CNOT4: variants seen among roughly 807,000 people sequenced by gnomAD.
The protein encoded by CNOT4 is CCR4-NOT transcription complex subunit 4.
A neutral mutation model predicts 73.8 loss-of-function variants in CNOT4; 8 were observed. The observed-to-expected ratio is 0.11, with a 90% confidence interval of 0.06 to 0.20. The LOEUF is 0.20. Ranked by LOEUF, CNOT4 falls within the 10% of genes least tolerant of loss-of-function variation. CNOT4 has a pLI of 1.00. For missense variants in CNOT4, 564 were observed against 883.4 expected (o/e 0.64, Z 4.58); for synonymous variants, 293 against 321.1 (o/e 0.91, Z 0.94).
chr7:135,488,878 T>A (rs1481944308), intron 1 of CNOT4, among the ~76,000 whole-genome samples: 1 of 152,120 alleles, frequency 6.6e-6, no homozygotes, highest in African/African-American at 2.4e-5. Context: ...AAGAATAAGT[T>A]ATGCTTGTGT....
intron 1 of CNOT4, among the ~76,000 whole-genome samples, chr7:135,507,271 C>T (rs549730329): frequency 2.0e-5 from 3 of 152,148 alleles, no homozygotes; most frequent in Admixed American, 6.5e-5. Context: ...TGTTCAAAAC[C>T]TTCTTACAGA....
At chr7:135,463,342 A>T (rs1232500151) in intron 1 of CNOT4, among the ~76,000 whole-genome samples, 3 of 152,200 alleles carry the variant, frequency 2.0e-5, no homozygotes, top group Non-Finnish European at 4.4e-5. Context: ...GTTCGAGACC[A>T]GTCTGGCCAA....
chr7:135,462,123 A>G lies in CNOT4; in HGVS notation c.-92-23700T>C, dbSNP rs186645717. 1.2e-4 allele frequency among the ~76,000 whole-genome samples: 19 copies of G among 152,280 alleles called. No individual in the cohort carries two copies. In the East Asian group the frequency reaches 3.1e-3, roughly 25 times the overall value. On this transcript the variant is annotated intron_variant, in intron 1 of 11. Transcript: ENST00000541284. ...ACAGAAGGAAAAAAGGTGAAAAAAA[A>G]GGAAAATTTTTAAAAGAGAAAACAA...
chr7:135,467,371 G>A (rs1290455675), intron 1 of CNOT4, among the ~76,000 whole-genome samples: 3 of 151,992 alleles, frequency 2.0e-5, no homozygotes, highest in Non-Finnish European at 4.4e-5. Context: ...CCCCACCATC[G>A]CTGTGAGTCA....
intron 10 of CNOT4, among the ~76,000 whole-genome samples, chr7:135,380,210 G>A (rs538734795): frequency 6.6e-5 from 10 of 152,022 alleles, no homozygotes; most frequent in Non-Finnish European, 1.2e-4. Flanking sequence ...AAGATGAATC[G>A]GAGATCACAT....
chr7:135,431,625 C>A (rs983488034), intron 2 of CNOT4, among the ~76,000 whole-genome samples: 1 of 151,940 alleles, frequency 6.6e-6, no homozygotes, highest in Non-Finnish European at 1.5e-5. Flanking sequence ...CGCCTGTAGT[C>A]CCAGCTACTC....
intron 1 of CNOT4, among the ~76,000 whole-genome samples, chr7:135,497,365 C>G (rs758477502): frequency 6.6e-6 from 1 of 151,962 alleles, no homozygotes; most frequent in African/African-American, 2.4e-5. Context: ...GCCAAGATTG[C>G]GCCACTGCAC....
Position 135,422,248 on chromosome 7 carries a change from A to C in CNOT4, c.280T>G (p.Ser94Ala), listed in dbSNP as rs1252972858. The C allele has an allele frequency of 1.2e-6, 2 of 1,603,594 alleles. No homozygotes were observed. The highest frequency in any genetic ancestry group is 2.2e-5 in the South Asian group (2 of 90,896). ...CTAGCCAAATGTTTGCGATTTTCTG[A>C]TATTTTCTGTTTTCTCTCATTTTGT... ...QKQNERKQKI[S>A]ENRKHLASVR... The change falls in exon 3 of 12, where the codon TCA (serine) becomes GCA (alanine). Residue 94 changes from serine (S) to alanine (A), a missense_variant. Physicochemically the swap from Ser to Ala is moderately conservative, Grantham distance 99. Around this residue, in one of 10 missense-constraint regions of CNOT4, gnomAD observed 76 missense variants for 208.7 expected, o/e 0.36. Transcript: ENST00000541284.
rs747402254 is a variant in CNOT4 at position 135,464,024 on chromosome 7, C to CAAAAAAAAAA, written c.-92-25611_-92-25602dup. Among the ~76,000 whole-genome samples, 46 of 109,584 alleles carry CAAAAAAAAAA rather than the reference C, an allele frequency of 4.2e-4. 3 individuals are homozygous for CAAAAAAAAAA. The highest frequency in any genetic ancestry group is 7.3e-4 in the African/African-American group (21 of 28,726). 71.9% of individuals were successfully genotyped at this position (109,584 alleles called of 152,430 possible). A position where few individuals can be genotyped will look rare whatever the true frequency, so the allele number is the denominator to read the frequency against. On this transcript the variant is annotated intron_variant, in intron 1 of 11. Coordinates refer to ENST00000541284, the MANE Select transcript of CNOT4 (RefSeq NM_001190850.2). The stretch of plus-strand genomic sequence containing the variant: ...ATCAGGATGGCTATTATTAAAAAGT[C>CAAAAAAAAAA]AAAAAAAAAAAAAAAACAGATGGTG...
At chr7:135,469,810 G>T (rs1375823903) in intron 1 of CNOT4, among the ~76,000 whole-genome samples, 1 of 150,722 alleles carries the variant, frequency 6.6e-6, no homozygotes, top group East Asian at 1.9e-4. Context: ...GTGGTGATGT[G>T]TGGGTTTTTT....
At chr7:135,387,565 A>G in intron 10 of CNOT4, 1 of 911,266 alleles carries the variant, frequency 1.1e-6, no homozygotes, top group Non-Finnish European at 1.3e-6. Context: ...TTTTTTTTTT[A>G]ACAAATTAAA....
intron 1 of CNOT4, among the ~76,000 whole-genome samples, chr7:135,499,884 A>G (rs1455074178): frequency 6.6e-6 from 1 of 152,186 alleles, no homozygotes; most frequent in Non-Finnish European, 1.5e-5. Context: ...AAACCCCCCA[A>G]GGAGAAGGCA....
chr7:135,450,913 C>G (rs550028623), intron 1 of CNOT4, among the ~76,000 whole-genome samples: 1 of 151,926 alleles, frequency 6.6e-6, no homozygotes, highest in Non-Finnish European at 1.5e-5. Flanking sequence ...GCCGAGATCA[C>G]GCCACTGCAC....
At chr7:135,423,517 C>T (rs368676515) in intron 2 of CNOT4, among the ~76,000 whole-genome samples, 16 of 151,444 alleles carry the variant, frequency 1.1e-4, no homozygotes, top group African/African-American at 3.6e-4. Context: ...CCCAGAGTAA[C>T]GCTGACGGCA....
intron 10 of CNOT4, among the ~76,000 whole-genome samples, chr7:135,376,188 T>G (rs1795508516): frequency 6.6e-6 from 1 of 152,134 alleles, no homozygotes; most frequent in Non-Finnish European, 1.5e-5. Context: ...AAGTCCAGAT[T>G]AACACAAAAC....
chr7:135,413,156 A>G (rs1029720610), intron 6 of CNOT4, among the ~76,000 whole-genome samples: 1 of 151,974 alleles, frequency 6.6e-6, no homozygotes, highest in African/African-American at 2.4e-5. Context: ...CATTTCCCAA[A>G]GTGTTTTCCT....
intron 1 of CNOT4, among the ~76,000 whole-genome samples, chr7:135,448,090 C>A (rs1380870947): frequency 6.6e-6 from 1 of 152,084 alleles, no homozygotes; most frequent in African/African-American, 2.4e-5. Flanking sequence ...AGGGGGGAAA[C>A]AGAAATCACT....
At position 135,438,417 on chromosome 7, in the gene CNOT4, T is replaced by C. The variant is rs1799284352; in HGVS notation, c.-86A>G. The C allele has an allele frequency of 5.6e-6, 6 of 1,079,134 alleles. No individual in the cohort carries two copies. The highest frequency in any genetic ancestry group is 2.0e-5 in the South Asian group (1 of 48,970). The allele number at this position is 1,079,134 out of a possible 1,614,324, so 66.8% of individuals were successfully genotyped here. Reference sequence around the variant, plus strand: ...CACTGAAAGCTAAAATGTAGGACTTTGACGACCTGCATGAGAAGAAACAAA... The same window carrying C: ...CACTGAAAGCTAAAATGTAGGACTTCGACGACCTGCATGAGAAGAAACAAA... On this transcript the variant is annotated 5_prime_UTR_variant, in exon 2 of 12. Coordinates refer to ENST00000541284, the MANE Select transcript of CNOT4 (RefSeq NM_001190850.2).
At chr7:135,367,399 A>T (rs1794972237) in intron 10 of CNOT4, among the ~76,000 whole-genome samples, 1 of 152,194 alleles carries the variant, frequency 6.6e-6, no homozygotes, top group Admixed American at 6.5e-5. Flanking sequence ...AAAACATTGT[A>T]GATAGGTTGT....
Sources: gnomAD v4.1 joint callset for allele counts (sites outside exome capture counted in the v4.1 genomes callset) on GRCh38, gnomAD v4.1.1 for gene constraint, gnomAD v4.1.1 regional missense constraint, MANE v1.5 for transcripts, NCBI Gene and HGNC (gene_info 2026-07-23, HGNC 2026-07-21) for gene names.